ARID1B: variants seen among roughly 807,000 people sequenced by gnomAD.
ARID1B encodes the protein AT-rich interactive domain-containing protein 1B.
A neutral mutation model predicts 212.3 loss-of-function variants in ARID1B; 30 were observed. The observed-to-expected ratio is 0.14, with a 90% CI of 0.11 to 0.19. The LOEUF is 0.19. Ranked by LOEUF, ARID1B falls within the 10% of genes least tolerant of loss-of-function variation. ARID1B has a pLI of 1.00. For synonymous variants in ARID1B, 1,402 were observed against 1,301.7 expected, an observed-to-expected ratio of 1.08 and a Z score of -1.66; for missense variants, 2,891 against 3,204.0, an observed-to-expected ratio of 0.90 and a Z score of 2.36.
intron 4 of ARID1B, chr6:156,985,016 A>G (rs1250614460): frequency 1.3e-5 from 2 of 152,162 alleles, no homozygotes; most frequent in African/African-American, 2.4e-5. Context: ...TCATACAGAG[A>G]CTGAGAGTAA....
At chr6:156,827,470 A>T (rs1335541751) in intron 1 of ARID1B, among the ~76,000 whole-genome samples, 1 of 152,224 alleles carries the variant, frequency 6.6e-6, no homozygotes, top group Non-Finnish European at 1.5e-5. Flanking sequence ...ACCTGCTTCC[A>T]GCTGGGTCAG....
intron 4 of ARID1B, chr6:157,022,908 G>GT (rs369292425): frequency 2.9e-4 from 44 of 152,160 alleles, no homozygotes; most frequent in African/African-American, 1.0e-3. Context: ...ATTTTGAAAT[G>GT]TTTAAGAGAA....
At chr6:156,839,484 G>A (rs1269835257) in intron 2 of ARID1B, among the ~76,000 whole-genome samples, 1 of 152,166 alleles carries the variant, frequency 6.6e-6, no homozygotes. Flanking sequence ...AAATTTAGGG[G>A]ATACATTCAA....
At chr6:157,060,160 C>T (rs370262001) in intron 4 of ARID1B, among the ~76,000 whole-genome samples, 2 of 152,182 alleles carry the variant, frequency 1.3e-5, no homozygotes, top group South Asian at 2.1e-4. Context: ...CTAAAGAGAC[C>T]GCTGATAAGT....
intron 4 of ARID1B, among the ~76,000 whole-genome samples, chr6:157,011,916 T>C (rs1338870227): frequency 2.6e-5 from 4 of 151,882 alleles, no homozygotes; most frequent in African/African-American, 9.7e-5. Flanking sequence ...ACCGAAGCTA[T>C]AGAACATCAA....
At chr6:157,041,394 G>A (rs1448206741) in intron 4 of ARID1B, among the ~76,000 whole-genome samples, 2 of 152,054 alleles carry the variant, frequency 1.3e-5, no homozygotes, top group Admixed American at 1.3e-4. Flanking sequence ...GAAAATTATA[G>A]TAAGGGGTGT....
intron 4 of ARID1B, among the ~76,000 whole-genome samples, chr6:157,061,545 C>T (rs1218563860): frequency 1.3e-5 from 2 of 151,584 alleles, no homozygotes; most frequent in African/African-American, 2.4e-5. Context: ...GTTATTATTG[C>T]CTTTACCATC....
chr6:157,134,322 C>T (rs1047371921), intron 7 of ARID1B, among the ~76,000 whole-genome samples: 2 of 152,156 alleles, frequency 1.3e-5, no homozygotes, highest in African/African-American at 2.4e-5. Flanking sequence ...GATGTTTTTC[C>T]GAAAGATCTT....
chr6:157,010,294 TTTTTTTTTTTG>T (rs1464069310), intron 4 of ARID1B, among the ~76,000 whole-genome samples: 22 of 146,602 alleles, frequency 1.5e-4, no homozygotes, highest in African/African-American at 4.8e-4. Flanking sequence ...TTTTTTTTTT[TTTTTTTTTTTG>T]TTGTTGTTGT....
chr6:157,155,955 T>TA (rs1343119072), intron 8 of ARID1B, among the ~76,000 whole-genome samples: 2 of 152,252 alleles, frequency 1.3e-5, no homozygotes, highest in Non-Finnish European at 2.9e-5. Context: ...GGTGTATCTA[T>TA]AATTCATATC....
rs1554264594 is a variant in ARID1B at position 156,897,252 on chromosome 6, C to CTTCTTCTTT, written c.1987-4116_1987-4115insTTTCTTCTT. ...TCTTCTTCTTCTTCTTCTTCTTCTTCTTCTTCTTCTTCTTATTATTATTAT... is the reference window on the plus strand; with the variant it reads ...TCTTCTTCTTCTTCTTCTTCTTCTTCTTCTTCTTTTTCTTCTTCTTCTTATTATTATTAT... On this transcript the variant is annotated intron_variant, in intron 2 of 19. Transcript: ENST00000636930. Among the ~76,000 whole-genome samples, 40 of 96,826 alleles carry CTTCTTCTTT rather than the reference C, an allele frequency of 4.1e-4. No individual in the cohort carries two copies. The South Asian group carries it at 8.8e-3, about 21-fold the overall frequency. The allele number at this position is 96,826 out of a possible 152,430, so 63.5% of individuals were successfully genotyped here.
chr6:156,999,243 A>G (rs1225083259), intron 4 of ARID1B, among the ~76,000 whole-genome samples: 1 of 152,252 alleles, frequency 6.6e-6, no homozygotes, highest in Non-Finnish European at 1.5e-5. Flanking sequence ...CATATTAACT[A>G]GTTATCCTTG....
chr6:156,991,615 T>G (rs188337901), intron 4 of ARID1B, among the ~76,000 whole-genome samples: 1 of 152,234 alleles, frequency 6.6e-6, no homozygotes, highest in Admixed American at 6.5e-5. Context: ...TTCATACTTA[T>G]ATCTTTCTTA....
At chr6:157,048,868 A>C (rs577816853) in intron 4 of ARID1B, among the ~76,000 whole-genome samples, 109 of 152,248 alleles carry the variant, frequency 7.2e-4, no homozygotes, top group Non-Finnish European at 1.3e-3. Flanking sequence ...CAGTGTGCCA[A>C]GTCACCAAGA....
rs1427621219 is a variant in ARID1B, at chr6:157,148,779, G to C, written c.2917G>C (p.Gly973Arg). 2 of 1,613,212 alleles carry C rather than the reference G, an allele frequency of 1.2e-6. No homozygotes were observed. Among genetic ancestry groups the C allele is most frequent in the Non-Finnish European group, 1.7e-6 (2 of 1,179,932 alleles). Residue 973 changes from glycine (G) to arginine (R), a missense_variant, in exon 8 of 20, where the codon GGG (glycine) becomes CGG (arginine). Around this residue, in one of 7 missense-constraint regions of ARID1B, gnomAD observed 1,643 missense variants for 1,544.0 expected, o/e 1.06. Transcript: ENST00000636930. This position sits in a 1 kb window ranked among gnomAD's most constrained non-coding sequence, Gnocchi z 5.6. ...AVPLGRMPSA[G>R]MQNRPFPGNM... Reference sequence around the variant, plus strand: ...GCCCCTGGGACGAATGCCATCAGCTGGGATGCAGAACAGACCATTTCCTGG... The same window carrying C: ...GCCCCTGGGACGAATGCCATCAGCTCGGATGCAGAACAGACCATTTCCTGG...
chr6:156,791,011 TGGA>T (rs1779974540), intron 1 of ARID1B, among the ~76,000 whole-genome samples: 1 of 152,260 alleles, frequency 6.6e-6, no homozygotes, highest in African/African-American at 2.4e-5. Context: ...TAGAGAAAGA[TGGA>T]GAAGATGAAT....
intron 3 of ARID1B, among the ~76,000 whole-genome samples, chr6:156,921,627 T>G (rs1395932503): frequency 6.6e-6 from 1 of 152,212 alleles, no homozygotes; most frequent in Non-Finnish European, 1.5e-5. Flanking sequence ...TTTTAGTATA[T>G]TGTTTTTCTG....
At chr6:157,168,180 A>T (rs976690777) in intron 9 of ARID1B, 3 of 152,216 alleles carry the variant, frequency 2.0e-5, no homozygotes, top group Non-Finnish European at 4.4e-5. Context: ...CGGAACAGCC[A>T]GTGAGAGGCT....
intron 4 of ARID1B, among the ~76,000 whole-genome samples, chr6:157,010,296 T>TG (rs1211169703): frequency 6.5e-5 from 9 of 138,378 alleles, no homozygotes; most frequent in South Asian, 2.2e-4. Context: ...TTTTTTTTTT[T>TG]TTTTTTTTGT....
Sources: gnomAD v4.1 joint callset for allele counts (sites outside exome capture counted in the v4.1 genomes callset) on GRCh38, gnomAD v4.1.1 for gene constraint, gnomAD v4.1.1 regional missense constraint, Gnocchi (gnomAD v3.1) non-coding constraint, MANE v1.5 for transcripts, NCBI Gene and HGNC (gene_info 2026-07-23, HGNC 2026-07-21) for gene names.